Variants in PHRF1 observed in about 807,000 individuals in gnomAD.
PHRF1 encodes the protein PHD and RING finger domain-containing protein 1.
A neutral mutation model predicts 128.9 loss-of-function variants in PHRF1; 53 were observed. The ratio of observed to expected loss-of-function variants is 0.41; its 90% confidence interval spans 0.33 to 0.52. The LOEUF is 0.52. PHRF1 is among the 20% of genes least tolerant of loss of function. The pLI, the probability that PHRF1 is intolerant of heterozygous loss-of-function variation, is 0.21. For synonymous variants in PHRF1, 1,178 were observed against 980.6 expected (o/e 1.20, Z -3.76); for missense variants, 2,503 against 2,284.5 (o/e 1.10, Z -1.95).
chr11:605,814 T>C (rs1855905715), intron 12 of PHRF1, 90 bp downstream of exon 12: 1 of 1,470,744 alleles, frequency 6.8e-7, no homozygotes, highest in East Asian at 2.4e-5. Flanking sequence ...AGCCTGGCTC[T>C]CTGTGGCCCT....
At chr11:600,368 C>T (rs1488508832) in intron 9 of PHRF1, among the ~76,000 whole-genome samples, 1 of 151,638 alleles carries the variant, frequency 6.6e-6, no homozygotes, top group Non-Finnish European at 1.5e-5. Flanking sequence ...GTGCCTCAGC[C>T]TCCTGAGTAG....
At chr11:583,092 G>A (rs1316100343) in intron 3 of PHRF1, among the ~76,000 whole-genome samples, 1 of 151,374 alleles carries the variant, frequency 6.6e-6, no homozygotes, top group East Asian at 2.0e-4. Flanking sequence ...TGTAATCCCA[G>A]CACTTTGGGA....
chr11:598,861 G>T (rs890279377), intron 9 of PHRF1, among the ~76,000 whole-genome samples: 4 of 152,230 alleles, frequency 2.6e-5, no homozygotes, highest in African/African-American at 9.6e-5. Flanking sequence ...GCTTTTCTGT[G>T]GGGGCCGAGT....
chr11:580,229 A>G (rs1264873212), intron 1 of PHRF1, among the ~76,000 whole-genome samples: 2 of 152,138 alleles, frequency 1.3e-5, no homozygotes, highest in Non-Finnish European at 2.9e-5. Context: ...GGTCAATAGC[A>G]CTGATGAGAA....
chr11:582,805 T>G (rs973373474), intron 3 of PHRF1, among the ~76,000 whole-genome samples: 2 of 151,144 alleles, frequency 1.3e-5, no homozygotes, highest in Admixed American at 6.6e-5. Context: ...ATTACAGGCG[T>G]GAGCCACCGC....
In PHRF1 at chr11:611,680, A is replaced by T; in HGVS notation, c.4853A>T (p.Asn1618Ile). Residue 1618 changes from asparagine (N) to isoleucine (I), a missense_variant, in exon 18 of 18, where the codon AAC becomes ATC. Coordinates refer to ENST00000264555, the MANE Select transcript of PHRF1 (RefSeq NM_001286581.2). ...GAGATCAACCCCGTGAAGGTGGCCA[A>T]CCTGGTGAAGGCGTACGTGGACAAG... is the stretch of plus-strand genomic sequence containing the variant. ...SGEINPVKVA[N>I]LVKAYVDKYR... is the part of the protein sequence containing the mutation. 6.2e-7 allele frequency: 1 copy of T among 1,613,206 alleles called. No individual in the cohort carries two copies. The highest frequency in any genetic ancestry group is 8.5e-7 in the Non-Finnish European group (1 of 1,179,848).
intron 13 of PHRF1, 65 bp downstream of exon 13, chr11:606,661 C>T: frequency 6.6e-7 from 1 of 1,517,014 alleles, no homozygotes; most frequent in Non-Finnish European, 8.8e-7. Flanking sequence ...TGTTCGCAAG[C>T]ACTCAGCCCA....
At position 611,982 on chromosome 11, in the gene PHRF1, A is replaced by G. The variant is rs189094654; in HGVS notation, c.*205A>G. ...TGTGCACCTGTGTTGCTCACAGTTG[A>G]AAACTGGACACTTTTGTATGTATAT... On this transcript the variant is annotated 3_prime_UTR_variant, in exon 18 of 18. Transcript: ENST00000264555. 6.7e-5 allele frequency: 48 copies of G among 716,772 alleles called. No homozygotes were observed. The East Asian group carries it at 1.3e-3, about 20-fold the overall frequency. The allele number at this position is 716,772 out of a possible 1,614,324, so 44.4% of individuals were successfully genotyped here. A position where few individuals can be genotyped will look rare whatever the true frequency, so the allele number is the denominator to read the frequency against.
intron 1 of PHRF1, among the ~76,000 whole-genome samples, chr11:579,124 G>A (rs1451032786): frequency 1.3e-5 from 2 of 152,200 alleles, no homozygotes; most frequent in African/African-American, 2.4e-5. Flanking sequence ...ACAGGCGTGA[G>A]CCACTGCACC....
intron 10 of PHRF1, among the ~76,000 whole-genome samples, chr11:603,958 C>T (rs1855800790): frequency 6.6e-6 from 1 of 152,138 alleles, no homozygotes; most frequent in Non-Finnish European, 1.5e-5. Context: ...CCACCTTGGC[C>T]TCCCAAACTG....
At chr11:583,503 C>G (rs375906862) in intron 3 of PHRF1, among the ~76,000 whole-genome samples, 4 of 152,158 alleles carry the variant, frequency 2.6e-5, no homozygotes, top group Non-Finnish European at 2.9e-5. Flanking sequence ...GGCCACAGAG[C>G]GAGACTCTGT....
Position 597,376 on chromosome 11 carries a change from C to A in PHRF1, c.719-19C>A. 1 of 1,606,336 alleles carries A rather than the reference C, an allele frequency of 6.2e-7. No homozygotes were observed. Among genetic ancestry groups the A allele is most frequent in the South Asian group, 1.1e-5 (1 of 89,900 alleles). ...GTGGCCTGTGAGTGTGGCACATCAGCCCTGGTGGTTCTTCCCAGATGCGGG... is the reference window on the plus strand; with the variant it reads ...GTGGCCTGTGAGTGTGGCACATCAGACCTGGTGGTTCTTCCCAGATGCGGG... On this transcript the variant is annotated intron_variant, in intron 7 of 17. Transcript: ENST00000264555. This position sits in a 1 kb window ranked among gnomAD's most constrained non-coding sequence, Gnocchi z 6.5.
chr11:593,841 C>T (rs1855126918), intron 6 of PHRF1, among the ~76,000 whole-genome samples: 2 of 152,218 alleles, frequency 1.3e-5, no homozygotes, highest in African/African-American at 2.4e-5. Flanking sequence ...GCAGACACCT[C>T]GCCGTCCCTC....
At position 610,372 on chromosome 11, in the gene PHRF1, T is replaced by C. The variant is rs752541063; in HGVS notation, c.4416+25T>C. The C allele has an allele frequency of 3.8e-5, 58 of 1,541,884 alleles. No homozygotes were observed. The South Asian group carries it at 6.7e-4, about 18-fold the overall frequency. ...GGTGGGTGTCTGGGCTGGAGGGCTG[T>C]GGGCCGTGGGCAGTGGCCTGGCACC... On this transcript the variant is annotated intron_variant, in intron 15 of 17. Transcript: ENST00000264555.
At chr11:586,352 T>C (rs1854559461) in intron 3 of PHRF1, among the ~76,000 whole-genome samples, 1 of 152,238 alleles carries the variant, frequency 6.6e-6, no homozygotes, top group Non-Finnish European at 1.5e-5. Flanking sequence ...GCTGCCTCCC[T>C]CGCAGCTCTC....
chr11:585,094 ATGT>A (rs1251443794), intron 3 of PHRF1, among the ~76,000 whole-genome samples: 1 of 152,186 alleles, frequency 6.6e-6, no homozygotes, highest in African/African-American at 2.4e-5. Flanking sequence ...GGTGGGAAAC[ATGT>A]TGAGGAGGGA....
chr11:582,528 CT>C (rs1384899539), intron 3 of PHRF1, among the ~76,000 whole-genome samples: 1 of 150,202 alleles, frequency 6.7e-6, no homozygotes, highest in Non-Finnish European at 1.5e-5. Flanking sequence ...TGTAGTCCTC[CT>C]TTTTTTTCTT....
rs1447290925 is a variant in PHRF1, at chr11:608,376, C to T, written c.2920C>T (p.Pro974Ser). ...TVVEPEAPPS[P>S]DVLQAATHRV... ...CGTGGAGCCGGAAGCCCCACCCAGC[C>T]CGGACGTGCTGCAGGCTGCCACCCA... Residue 974 changes from proline to serine, a missense_variant, in exon 14 of 18, where the codon CCG becomes TCG. Transcript: ENST00000264555. 3.7e-6 allele frequency: 6 copies of T among 1,611,324 alleles called. No homozygotes were observed. The highest frequency in any genetic ancestry group is 1.7e-5 in the Admixed American group (1 of 59,840).
At chr11:595,120 C>G (rs751267974) in intron 6 of PHRF1, among the ~76,000 whole-genome samples, 2 of 152,092 alleles carry the variant, frequency 1.3e-5, no homozygotes, top group African/African-American at 4.8e-5. Flanking sequence ...CTCAGGAGTT[C>G]GAGACCAGCC....
Sources: allele counts gnomAD v4.1 joint callset (sites outside exome capture counted in the v4.1 genomes callset), GRCh38; gene constraint gnomAD v4.1.1; non-coding constraint Gnocchi (gnomAD v3.1); transcripts MANE v1.5; gene names NCBI Gene and HGNC (gene_info 2026-07-23, HGNC 2026-07-21).